The following EXTL3 variants were observed in gnomAD, a reference collection of about 807,000 sequenced individuals.
EXTL3 encodes exostosin-like 3.
EXTL3 carries 27 observed loss-of-function variants against 69.3 expected under a neutral mutation model. The ratio of observed to expected loss-of-function variants is 0.39; its 90% CI spans 0.29 to 0.54. The LOEUF is 0.54. Ranked by LOEUF, EXTL3 falls within the 20% of genes least tolerant of loss-of-function variation. The pLI, the probability that EXTL3 is intolerant of heterozygous loss-of-function variation, is 0.69. For missense variants in EXTL3, 1,003 were observed against 1,231.8 expected, an observed-to-expected ratio of 0.81 and a Z score of 2.78; for synonymous variants, 511 against 499.4, an observed-to-expected ratio of 1.02 and a Z score of -0.31.
intron 1 of EXTL3, among the ~76,000 whole-genome samples, chr8:28,636,918 G>GT (rs573352163): frequency 8.0e-4 from 119 of 149,646 alleles, no homozygotes; most frequent in African/African-American, 2.9e-3. Context: ...GGAGGCAGAG[G>GT]TTGCAGTAAG....
At chr8:28,711,301 T>G (rs1801025996) in intron 1 of EXTL3, among the ~76,000 whole-genome samples, 2 of 152,254 alleles carry the variant, frequency 1.3e-5, no homozygotes, top group African/African-American at 4.8e-5. Flanking sequence ...CTTCTGCTTT[T>G]CTGTTTTCGA....
At chr8:28,626,932 C>T (rs1336116642) in intron 1 of EXTL3, among the ~76,000 whole-genome samples, 1 of 152,108 alleles carries the variant, frequency 6.6e-6, no homozygotes, top group East Asian at 1.9e-4. Flanking sequence ...CCTGTAATGC[C>T]AGCACTTTGG....
At chr8:28,664,330 C>A (rs1395508311) in intron 1 of EXTL3, among the ~76,000 whole-genome samples, 3 of 152,218 alleles carry the variant, frequency 2.0e-5, no homozygotes, top group African/African-American at 7.2e-5. Context: ...ATGTGGCCTT[C>A]CCTTGGTGAG....
chr8:28,729,292 CAAAAAAAA>C (rs72487306), intron 3 of EXTL3, among the ~76,000 whole-genome samples: 1 of 74,068 alleles, frequency 1.4e-5, no homozygotes, highest in African/African-American at 5.9e-5. Flanking sequence ...GACTCTATCT[CAAAAAAAA>C]AAAAAAAAAA....
intron 1 of EXTL3, among the ~76,000 whole-genome samples, chr8:28,629,901 AAGAG>A (rs1036731083): frequency 6.6e-6 from 1 of 151,528 alleles, no homozygotes; most frequent in East Asian, 1.9e-4. Flanking sequence ...GCAGAGATGC[AAGAG>A]AGAGAGAGAG....
intron 1 of EXTL3, among the ~76,000 whole-genome samples, chr8:28,640,385 G>T (rs780266790): frequency 3.3e-5 from 5 of 152,088 alleles, no homozygotes; most frequent in Non-Finnish European, 5.9e-5. Flanking sequence ...AAACGGTAAA[G>T]TTTGAGAATT....
chr8:28,710,536 G>A (rs1251237639), intron 1 of EXTL3: 1 of 455,572 alleles, frequency 2.2e-6, no homozygotes, highest in South Asian at 1.6e-5. Flanking sequence ...CTTCTGGATA[G>A]GATTACCCTA....
chr8:28,620,120 G>A (rs534026634), upstream of EXTL3, among the ~76,000 whole-genome samples: 4 of 109,648 alleles, frequency 3.6e-5, no homozygotes, highest in African/African-American at 8.2e-5. Flanking sequence ...TGATCTGCCC[G>A]CCTCGGCCTC....
chr8:28,740,563 T>TGAGCC (rs1208112011), intron 5 of EXTL3: 3 of 152,270 alleles, frequency 2.0e-5, no homozygotes, highest in African/African-American at 7.2e-5. Flanking sequence ...ATTACAGGCG[T>TGAGCC]GAGCCACAGC....
chr8:28,734,516 A>G (rs1801606333), intron 4 of EXTL3, among the ~76,000 whole-genome samples: 1 of 152,196 alleles, frequency 6.6e-6, no homozygotes, highest in Non-Finnish European at 1.5e-5. Context: ...GTTTGAGACC[A>G]GCCTGGCCAA....
At chr8:28,745,028 C>G (rs184753208) in intron 6 of EXTL3, among the ~76,000 whole-genome samples, 1 of 152,012 alleles carries the variant, frequency 6.6e-6, no homozygotes, top group Non-Finnish European at 1.5e-5. Flanking sequence ...GTACTAATAA[C>G]GATAATGAAA....
At position 28,744,786 on chromosome 8, in the gene EXTL3, C is replaced by A. The variant is rs1801851893; in HGVS notation, c.2550+1572C>A. ...CCAGCCTGGGTGACAGAGCGAGACT[C>A]CATCTCAAAAAAAAAAAAAATACAC... On this transcript the variant is annotated intron_variant, in intron 6 of 6. Coordinates refer to ENST00000220562, the MANE Select transcript of EXTL3 (RefSeq NM_001440.4). 1.5e-5 allele frequency among the ~76,000 whole-genome samples: 2 copies of A among 129,888 alleles called. 1 individual carries two copies. The highest frequency in any genetic ancestry group is 1.6e-4 in the Admixed American group (2 of 12,458). The allele number at this position is 129,888 out of a possible 152,430, so 85.2% of individuals were successfully genotyped here. A position where few individuals can be genotyped will look rare whatever the true frequency, so the allele number is the denominator to read the frequency against.
chr8:28,684,273 C>T (rs1807541756), intron 1 of EXTL3, among the ~76,000 whole-genome samples: 1 of 152,050 alleles, frequency 6.6e-6, no homozygotes, highest in African/African-American at 2.4e-5. Flanking sequence ...TACTGATTTT[C>T]TTTCTTTTGA....
rs146656311 is a variant in EXTL3, at chr8:28,662,596, G to A, written c.-53+39786G>A. Among the ~76,000 whole-genome samples, 751 of 152,226 alleles carry A rather than the reference G, an allele frequency of 4.9e-3. 7 individuals are homozygous for A. The highest frequency in any genetic ancestry group is 0.017 in the African/African-American group (689 of 41,528). On this transcript the variant is annotated intron_variant, in intron 1 of 6. Transcript: ENST00000523149. ...GCTAGAATCAATTCTGTTTCTCCAT[G>A]ACACTGCAGAGGAAACCTGTTTGTA...
chr8:28,629,596 G>T (rs897198503), intron 1 of EXTL3, among the ~76,000 whole-genome samples: 1 of 152,046 alleles, frequency 6.6e-6, no homozygotes, highest in African/African-American at 2.4e-5. Context: ...GGGGCCCCTC[G>T]GGAATAGGTA....
chr8:28,731,350 G>A lies in EXTL3; in HGVS notation c.2276G>A (p.Arg759Gln), dbSNP rs1465333578. The change falls in exon 4 of 7, where the codon CGG becomes CAG. Residue 759 changes from arginine (R) to glutamine (Q), a missense_variant and splice_region_variant. Coordinates refer to ENST00000220562, the MANE Select transcript of EXTL3 (RefSeq NM_001440.4). Reference protein sequence around the residue: ...LRHDEIMFGFRVWREARDRIV... With the variant: ...LRHDEIMFGFQVWREARDRIV... ...CATGACGAAATCATGTTTGGGTTCC[G>A]GTGAGAGACTAATTTCCAATCAAAA... 4 of 1,614,164 alleles carry A rather than the reference G, an allele frequency of 2.5e-6. No homozygotes were observed. The highest frequency in any genetic ancestry group is 1.1e-5 in the South Asian group (1 of 91,080).
chr8:28,684,634 C>T (rs966696354), intron 1 of EXTL3, among the ~76,000 whole-genome samples: 9 of 151,910 alleles, frequency 5.9e-5, no homozygotes, highest in African/African-American at 1.5e-4. Context: ...CCCAGCTACT[C>T]GGGAGGCTGG....
At chr8:28,616,170 A>G (rs1806328381) in intron 2 of EXTL3, among the ~76,000 whole-genome samples, 1 of 152,226 alleles carries the variant, frequency 6.6e-6, no homozygotes, top group Admixed American at 6.5e-5. Flanking sequence ...ACTTTCAGTC[A>G]TTTATACTTT....
chr8:28,612,437 GGGTGAC>G (rs903409755), intron 2 of EXTL3, among the ~76,000 whole-genome samples: 15 of 151,060 alleles, frequency 9.9e-5, no homozygotes, highest in Non-Finnish European at 1.9e-4. Flanking sequence ...CTGGGAGCCT[GGGTGAC>G]GGAGCGAGAC....
Sources: allele counts gnomAD v4.1 joint callset (sites outside exome capture counted in the v4.1 genomes callset), GRCh38; gene constraint gnomAD v4.1.1; transcripts MANE v1.5; gene names NCBI Gene and HGNC (gene_info 2026-07-23, HGNC 2026-07-21).